The following ANKRD44 variants were observed in gnomAD, a reference collection of about 807,000 sequenced individuals.
ANKRD44 encodes the protein serine/threonine-protein phosphatase 6 regulatory ankyrin repeat subunit B.
In ANKRD44, 35 loss-of-function variants were observed where a neutral mutation model predicts 116.0. The ratio of observed to expected loss-of-function variants is 0.30; its 90% CI spans 0.23 to 0.40. The LOEUF is 0.40. ANKRD44 is among the 10% of genes least tolerant of loss of function. The pLI is 1.00. For synonymous variants in ANKRD44, 435 were observed against 461.8 expected (o/e 0.94, Z 0.74); for missense variants, 1,014 against 1,242.6 (o/e 0.82, Z 2.77).
Position 197,202,558 on chromosome 2 carries a change from T to A in ANKRD44, c.28-15452A>T, listed in dbSNP as rs1278035635. 2.0e-5 allele frequency among the ~76,000 whole-genome samples: 3 copies of A among 152,218 alleles called. No individual in the cohort carries two copies. The South Asian group carries it at 6.2e-4, about 32-fold the overall frequency. The stretch of plus-strand genomic sequence containing the variant: ...AGTAGTGGACAATTTCGTGCAGATC[T>A]TACAGGCCTCTTTTTTGTTTTTTGT... On this transcript the variant is annotated intron_variant, in intron 1 of 27. Coordinates refer to ENST00000282272, the MANE Select transcript of ANKRD44 (RefSeq NM_001195144.2).
rs753925670 is a variant in ANKRD44 at position 197,013,479 on chromosome 2, A to T, written c.1924+32T>A. On this transcript the variant is annotated intron_variant, in intron 18 of 27. Coordinates refer to ENST00000282272, the MANE Select transcript of ANKRD44 (RefSeq NM_001195144.2). ...TTAAAACTTACGAACAAGCCACAAA[A>T]CTAGGGTAATCAGGCCCTTGACAAG... 6.2e-6 allele frequency: 10 copies of T among 1,607,008 alleles called. No homozygotes were observed. In the South Asian group the frequency reaches 1.1e-4, roughly 18 times the overall value.
At chr2:197,084,139 C>A (rs188815827) in intron 13 of ANKRD44, among the ~76,000 whole-genome samples, 13 of 152,224 alleles carry the variant, frequency 8.5e-5, no homozygotes, top group Admixed American at 8.5e-4. Flanking sequence ...ATTCCTCAGC[C>A]TAGAATTGAA....
intron 8 of ANKRD44, 69 bp downstream of exon 8, chr2:197,121,262 CA>C: frequency 7.0e-7 from 1 of 1,422,630 alleles, no homozygotes; most frequent in Non-Finnish European, 9.9e-7. Flanking sequence ...GCATAATTTG[CA>C]GCAGTTGATT....
At chr2:197,247,140 T>C (rs1641101038) in intron 1 of ANKRD44, among the ~76,000 whole-genome samples, 1 of 152,214 alleles carries the variant, frequency 6.6e-6, no homozygotes, top group South Asian at 2.1e-4. Flanking sequence ...CATTCAAGCA[T>C]GGTCCTTATT....
chr2:197,002,684 G>A (rs1045026200), intron 21 of ANKRD44, among the ~76,000 whole-genome samples: 3 of 152,144 alleles, frequency 2.0e-5, no homozygotes, highest in Admixed American at 2.0e-4. Flanking sequence ...AGGAAGAAGG[G>A]TGATGGTTCC....
At chr2:197,114,121 T>C (rs1425156461) in intron 8 of ANKRD44, among the ~76,000 whole-genome samples, 2 of 152,242 alleles carry the variant, frequency 1.3e-5, no homozygotes, top group African/African-American at 2.4e-5. Context: ...CTGAGTTTCA[T>C]GATCTGAGAA....
At chr2:197,089,664 T>C (rs577084053) in intron 11 of ANKRD44, among the ~76,000 whole-genome samples, 25 of 152,340 alleles carry the variant, frequency 1.6e-4, no homozygotes, top group African/African-American at 6.0e-4. Context: ...AACCTTTCTG[T>C]AAACTCTGGC....
At chr2:197,294,909 G>A (rs2083674254) in intron 1 of ANKRD44, among the ~76,000 whole-genome samples, 1 of 152,076 alleles carries the variant, frequency 6.6e-6, no homozygotes, top group South Asian at 2.1e-4. Flanking sequence ...GGCTCTTTGA[G>A]TGCATCAAAA....
chr2:197,184,583 T>C (rs867893431), intron 2 of ANKRD44, among the ~76,000 whole-genome samples: 1 of 139,532 alleles, frequency 7.2e-6, no homozygotes, highest in Non-Finnish European at 1.5e-5. Context: ...GTGGTTGCAG[T>C]GAGCCGAGAT....
At chr2:197,178,035 C>T (rs1418522415) in intron 2 of ANKRD44, among the ~76,000 whole-genome samples, 1 of 152,188 alleles carries the variant, frequency 6.6e-6, no homozygotes, top group Non-Finnish European at 1.5e-5. Flanking sequence ...AATTATTTCT[C>T]TTAGGGTGAA....
chr2:197,130,978 G>C (rs1024366254), intron 4 of ANKRD44, among the ~76,000 whole-genome samples: 12 of 152,322 alleles, frequency 7.9e-5, no homozygotes, highest in African/African-American at 2.9e-4. Flanking sequence ...GAAGAAAGCA[G>C]CACAGAATGG....
chr2:196,976,408 C>T (rs2075760762), intron 21 of ANKRD44, among the ~76,000 whole-genome samples: 1 of 152,116 alleles, frequency 6.6e-6, no homozygotes, highest in Non-Finnish European at 1.5e-5. Context: ...GAATGTCACT[C>T]ACACCACATC....
At chr2:197,148,881 T>C (rs1204884670) in intron 2 of ANKRD44, among the ~76,000 whole-genome samples, 4 of 152,224 alleles carry the variant, frequency 2.6e-5, no homozygotes. Context: ...TTCAGTACGA[T>C]ATATGACTAC....
At chr2:197,146,985 A>G (rs369846447) in intron 3 of ANKRD44, 42 bp downstream of exon 3, 10 of 1,581,188 alleles carry the variant, frequency 6.3e-6, no homozygotes, top group African/African-American at 1.4e-5. Flanking sequence ...GGTTATTTAA[A>G]TTTTTATTTG....
intron 10 of ANKRD44, among the ~76,000 whole-genome samples, chr2:197,091,091 T>C (rs2078033186): frequency 6.6e-6 from 1 of 152,204 alleles, no homozygotes; most frequent in African/African-American, 2.4e-5. Flanking sequence ...GCAGCTGCCT[T>C]ATGCAAAAAG....
At chr2:197,285,155 GAA>G (rs2083374795) in intron 1 of ANKRD44, among the ~76,000 whole-genome samples, 1 of 151,964 alleles carries the variant, frequency 6.6e-6, no homozygotes, top group Admixed American at 6.6e-5. Context: ...AGGAAGTGAT[GAA>G]AAGTCAGGGA....
intron 2 of ANKRD44, among the ~76,000 whole-genome samples, chr2:197,175,111 C>T (rs1053359519): frequency 6.6e-6 from 1 of 152,106 alleles, no homozygotes; most frequent in Non-Finnish European, 1.5e-5. Flanking sequence ...AACGCACTGT[C>T]TATTACTGAA....
intron 16 of ANKRD44, chr2:197,028,783 G>A (rs1197755011): frequency 2.4e-5 from 5 of 210,942 alleles, no homozygotes; most frequent in South Asian, 7.4e-5. Flanking sequence ...CTGTTTTCTC[G>A]GTAGTGCTGC....
intron 18 of ANKRD44, among the ~76,000 whole-genome samples, chr2:197,011,088 G>A (rs1471699072): frequency 6.6e-6 from 1 of 152,198 alleles, no homozygotes; most frequent in Non-Finnish European, 1.5e-5. Context: ...CGTTGCTGCT[G>A]CTGTTATGTT....
Sources: allele counts gnomAD v4.1 joint callset (sites outside exome capture counted in the v4.1 genomes callset), GRCh38; gene constraint gnomAD v4.1.1; transcripts MANE v1.5; gene names NCBI Gene and HGNC (gene_info 2026-07-23, HGNC 2026-07-21).